CTNNBL1: variants seen among roughly 807,000 people sequenced by gnomAD.
The protein encoded by CTNNBL1 is catenin beta like 1.
CTNNBL1 carries 31 observed loss-of-function variants against 72.7 expected under a neutral mutation model. The ratio of observed to expected loss-of-function variants is 0.43; its 90% CI spans 0.32 to 0.58. The LOEUF (loss-of-function observed/expected upper bound fraction) is 0.58. CTNNBL1 is among the 20% of genes least tolerant of loss of function. CTNNBL1 has a pLI of 0.08. For synonymous variants in CTNNBL1, 240 were observed against 267.3 expected (o/e 0.90, Z 1.00); for missense variants, 534 against 725.1 (o/e 0.74, Z 3.03).
At chr20:37,756,454 ATGTGTG>A (rs367894716) in intron 4 of CTNNBL1, 2 of 144,324 alleles carry the variant, frequency 1.4e-5, no homozygotes, top group African/African-American at 5.1e-5. Context: ...CCGTGTGTGT[ATGTGTG>A]TGTGTGTGTC....
intron 2 of CTNNBL1, among the ~76,000 whole-genome samples, chr20:37,733,291 T>C (rs1334804088): frequency 6.6e-6 from 1 of 152,142 alleles, no homozygotes; most frequent in Admixed American, 6.5e-5. Context: ...TTCCATATTA[T>C]GTACTGTAGG....
Position 37,707,994 on chromosome 20 carries a change from A to G in CTNNBL1, c.30+13842A>G, listed in dbSNP as rs553223759. Reference sequence around the variant, plus strand: ...GCACTCAGAACACACACATTTATTCATTAAGTTCGCTGTCTCACGTGGGCG... The same window carrying G: ...GCACTCAGAACACACACATTTATTCGTTAAGTTCGCTGTCTCACGTGGGCG... On this transcript the variant is annotated intron_variant, in intron 1 of 15. Coordinates refer to ENST00000361383, the MANE Select transcript of CTNNBL1 (RefSeq NM_030877.5). 3.3e-5 allele frequency among the ~76,000 whole-genome samples: 5 copies of G among 152,220 alleles called. 1 individual carries two copies. The highest frequency in any genetic ancestry group is 3.3e-4 in the Admixed American group (5 of 15,282).
In CTNNBL1 at chr20:37,871,985, G is replaced by A. The variant is rs372667358; in HGVS notation, c.1664G>A (p.Arg555His). 1.1e-5 allele frequency: 18 copies of A among 1,613,948 alleles called. No homozygotes were observed. Among genetic ancestry groups the A allele is most frequent in the African/African-American group, 2.7e-5 (2 of 74,900 alleles). The change falls in exon 16 of 16, where the codon CGC (arginine) becomes CAC (histidine). Residue 555 changes from arginine to histidine, a missense_variant. Arg to His is a conservative substitution (Grantham distance 29). Transcript: ENST00000361383. ...SPEFRENEQKRILGLLENF is the reference protein window; with the variant it reads ...SPEFRENEQKHILGLLENF ...GAGTTCCGGGAGAACGAGCAAAAGC[G>A]CATCCTGGGCTTGCTGGAGAACTTC...
chr20:37,737,917 A>G (rs2073184077), intron 3 of CTNNBL1, among the ~76,000 whole-genome samples: 1 of 152,194 alleles, frequency 6.6e-6, no homozygotes, highest in South Asian at 2.1e-4. Flanking sequence ...TGCCTGTAAT[A>G]ACAATAACAA....
intron 10 of CTNNBL1, among the ~76,000 whole-genome samples, chr20:37,794,766 T>C (rs1281826443): frequency 6.6e-6 from 1 of 151,912 alleles, no homozygotes; most frequent in African/African-American, 2.4e-5. Flanking sequence ...TCTCCCAAAG[T>C]GCTGGGATTA....
chr20:37,714,455 ATAG>A (rs2072968551), intron 1 of CTNNBL1, among the ~76,000 whole-genome samples: 1 of 152,198 alleles, frequency 6.6e-6, no homozygotes, highest in African/African-American at 2.4e-5. Context: ...TTTGTGAATG[ATAG>A]TAGCCCTAGT....
chr20:37,826,052 C>G (rs758058178), intron 11 of CTNNBL1, among the ~76,000 whole-genome samples: 1 of 152,194 alleles, frequency 6.6e-6, no homozygotes, highest in Non-Finnish European at 1.5e-5. Flanking sequence ...TGGGCCTTCC[C>G]TAATATACAA....
chr20:37,734,646 C>A (rs908947025), intron 2 of CTNNBL1, among the ~76,000 whole-genome samples: 4 of 152,218 alleles, frequency 2.6e-5, no homozygotes, highest in African/African-American at 9.6e-5. Flanking sequence ...GTTATTTTCT[C>A]ACTGCCACTG....
chr20:37,772,646 C>T (rs2073536255), intron 7 of CTNNBL1, among the ~76,000 whole-genome samples: 1 of 152,182 alleles, frequency 6.6e-6, no homozygotes, highest in African/African-American at 2.4e-5. Flanking sequence ...CTGCGCCCGG[C>T]CCAGTCTGAG....
At chr20:37,765,078 T>C (rs2073453730) in intron 5 of CTNNBL1, 119 bp from the exon 6 acceptor site, 1 of 705,964 alleles carries the variant, frequency 1.4e-6, no homozygotes, top group Non-Finnish European at 2.5e-6. Context: ...AAACCATAGA[T>C]TGCTGCTTAT....
intron 1 of CTNNBL1, among the ~76,000 whole-genome samples, chr20:37,724,458 T>C (rs1568752175): frequency 6.6e-6 from 1 of 151,202 alleles, no homozygotes; most frequent in African/African-American, 2.4e-5. Context: ...GGAAGGAGAG[T>C]GTAAGTGGAA....
chr20:37,748,005 T>A (rs2073283308), intron 4 of CTNNBL1, among the ~76,000 whole-genome samples: 1 of 152,234 alleles, frequency 6.6e-6, no homozygotes, highest in Non-Finnish European at 1.5e-5. Flanking sequence ...GTAGCTTTAT[T>A]GCAAAGGCTT....
At chr20:37,839,302 T>C (rs1468691022) in intron 11 of CTNNBL1, among the ~76,000 whole-genome samples, 1 of 152,174 alleles carries the variant, frequency 6.6e-6, no homozygotes, top group Admixed American at 6.5e-5. Flanking sequence ...AAATAAACTG[T>C]TTGTTGTTCA....
At position 37,810,548 on chromosome 20, in the gene CTNNBL1, G is replaced by A. The variant is rs553319857; in HGVS notation, c.1213+7500G>A. Among the ~76,000 whole-genome samples, 69 of 152,250 alleles carry A rather than the reference G, an allele frequency of 4.5e-4. 1 individual carries two copies. In the South Asian group the frequency reaches 8.3e-3, roughly 18 times the overall value. ...ACATCTAGACCATAATAGGTGGGTT[G>A]ATAAATGTTGGTTTAGATCATTTTA... On this transcript the variant is annotated intron_variant, in intron 11 of 15. Transcript: ENST00000361383.
intron 1 of CTNNBL1, among the ~76,000 whole-genome samples, chr20:37,720,004 G>A (rs914798063): frequency 2.7e-5 from 4 of 148,632 alleles, no homozygotes; most frequent in African/African-American, 5.0e-5. Flanking sequence ...GTATCACTGC[G>A]CCTGGCTAAT....
intron 11 of CTNNBL1, among the ~76,000 whole-genome samples, chr20:37,827,170 T>C (rs1019522890): frequency 6.6e-6 from 1 of 152,260 alleles, no homozygotes; most frequent in Non-Finnish European, 1.5e-5. Flanking sequence ...GTTACATCCA[T>C]TGGTAATTTG....
chr20:37,726,572 T>C (rs1003369997), intron 1 of CTNNBL1, among the ~76,000 whole-genome samples: 17 of 152,200 alleles, frequency 1.1e-4, no homozygotes, highest in Non-Finnish European at 2.2e-4. Context: ...TCTTTCCTGT[T>C]GTTTGATATC....
At chr20:37,719,478 T>C (rs1420135260) in intron 1 of CTNNBL1, among the ~76,000 whole-genome samples, 3 of 152,102 alleles carry the variant, frequency 2.0e-5, no homozygotes, top group Non-Finnish European at 4.4e-5. Flanking sequence ...TCTCACAAGA[T>C]TGAAAGTGCC....
intron 4 of CTNNBL1, among the ~76,000 whole-genome samples, chr20:37,754,312 G>A (rs1385047185): frequency 7.0e-6 from 1 of 142,104 alleles, no homozygotes; most frequent in Non-Finnish European, 1.5e-5. Context: ...TGAGAGACTG[G>A]GTCTCACTAT....
Sources: gnomAD v4.1 joint callset for allele counts (sites outside exome capture counted in the v4.1 genomes callset) on GRCh38, gnomAD v4.1.1 for gene constraint, MANE v1.5 for transcripts, NCBI Gene and HGNC (gene_info 2026-07-23, HGNC 2026-07-21) for gene names.